The following PIGU variants were observed in gnomAD, a reference collection of about 807,000 sequenced individuals.
PIGU encodes GPI-anchor transamidase component PIGU.
Under a neutral mutation model 49.9 loss-of-function variants are expected in PIGU, and 24 were observed. The observed-to-expected ratio is 0.48, with a 90% CI of 0.35 to 0.68. PIGU has a LOEUF of 0.68. PIGU is among the 30% of genes least tolerant of loss of function. The pLI, the probability that PIGU is intolerant of heterozygous loss-of-function variation, is 0.01. For synonymous variants in PIGU, 220 were observed against 205.7 expected, an observed-to-expected ratio of 1.07 and a Z score of -0.59; for missense variants, 490 against 532.6, an observed-to-expected ratio of 0.92 and a Z score of 0.79.
chr20:34,641,019 A>G (rs553426606), intron 4 of PIGU, among the ~76,000 whole-genome samples: 1,672 of 152,036 alleles, frequency 0.011, 40 homozygotes, highest in African/African-American at 0.039. Context: ...TCAGCCTCCC[A>G]AGTAGCTGGG....
intron 6 of PIGU, among the ~76,000 whole-genome samples, chr20:34,618,774 A>C (rs2146743895): frequency 6.6e-6 from 1 of 152,234 alleles, no homozygotes; most frequent in South Asian, 2.1e-4. Context: ...GTGACAGAGT[A>C]AGACCCTGTT....
intron 11 of PIGU, among the ~76,000 whole-genome samples, chr20:34,570,984 T>C (rs534827844): frequency 1.4e-4 from 21 of 152,342 alleles, no homozygotes; most frequent in Non-Finnish European, 1.8e-4. Flanking sequence ...CTGTTTCCCA[T>C]GTCAACACAC....
At chr20:34,649,998 G>A (rs367947569) in intron 2 of PIGU, among the ~76,000 whole-genome samples, 44 of 151,228 alleles carry the variant, frequency 2.9e-4, no homozygotes, top group Middle Eastern at 3.4e-3. Flanking sequence ...ACAGGCGCCC[G>A]CCACCATGCC....
chr20:34,642,168 G>A (rs1448089370), intron 4 of PIGU, among the ~76,000 whole-genome samples: 17 of 152,168 alleles, frequency 1.1e-4, no homozygotes, highest in Non-Finnish European at 1.5e-5. Flanking sequence ...GCAATTAACT[G>A]AAACCTAGTT....
intron 7 of PIGU, among the ~76,000 whole-genome samples, chr20:34,600,644 G>A (rs1297873315): frequency 1.3e-5 from 2 of 151,942 alleles, no homozygotes; most frequent in African/African-American, 2.4e-5. Context: ...TAAAAATATT[G>A]TTTTGTCTTC....
intron 7 of PIGU, among the ~76,000 whole-genome samples, chr20:34,608,756 C>G (rs1467255216): frequency 6.6e-6 from 1 of 152,216 alleles, no homozygotes; most frequent in Non-Finnish European, 1.5e-5. Context: ...CTGGCACTTA[C>G]AGCTTTGCTA....
At chr20:34,665,901 T>G (rs1017171944) in intron 1 of PIGU, among the ~76,000 whole-genome samples, 1 of 152,018 alleles carries the variant, frequency 6.6e-6, no homozygotes, top group East Asian at 1.9e-4. Context: ...CTAATATATA[T>G]AAAAATGTTC....
rs1202942881 is a variant in PIGU at position 34,655,254 on chromosome 20, A to G, written c.195+1926T>C. Reference sequence around the variant, plus strand: ...GAGCCCAGGAGGTTGAGGCTATAGTAAGCCATGATCATTCCACCACATTCC... The same window carrying G: ...GAGCCCAGGAGGTTGAGGCTATAGTGAGCCATGATCATTCCACCACATTCC... On this transcript the variant is annotated intron_variant, in intron 2 of 11. Transcript: ENST00000217446. Among the ~76,000 whole-genome samples the G allele has an allele frequency of 1.7e-5, 2 of 120,236 alleles. 1 individual carries two copies. The highest frequency in any genetic ancestry group is 3.6e-5 in the Non-Finnish European group (2 of 56,254). 78.9% of individuals were successfully genotyped at this position (120,236 alleles called of 152,430 possible).
chr20:34,607,609 C>A (rs946945392), intron 7 of PIGU, among the ~76,000 whole-genome samples: 1 of 152,208 alleles, frequency 6.6e-6, no homozygotes, highest in South Asian at 2.1e-4. Flanking sequence ...CAACCTGATA[C>A]CTCCTGGATG....
chr20:34,660,002 G>C (rs1460227639), intron 1 of PIGU, among the ~76,000 whole-genome samples: 3 of 138,498 alleles, frequency 2.2e-5, no homozygotes, highest in African/African-American at 8.3e-5. Context: ...ATTGTCCTAT[G>C]ACCCTGCCAA....
intron 8 of PIGU, among the ~76,000 whole-genome samples, chr20:34,585,917 G>A (rs1983682356): frequency 6.6e-6 from 1 of 152,148 alleles, no homozygotes; most frequent in Admixed American, 6.5e-5. Flanking sequence ...TAACAAATGA[G>A]TTTTAAAACA....
chr20:34,594,807 T>C (rs1042225439), intron 7 of PIGU, among the ~76,000 whole-genome samples: 1 of 151,510 alleles, frequency 6.6e-6, no homozygotes, highest in African/African-American at 2.4e-5. Context: ...AAAATATACA[T>C]ATAGGCTGGG....
intron 11 of PIGU, among the ~76,000 whole-genome samples, chr20:34,563,294 G>A (rs1297930904): frequency 6.6e-6 from 1 of 152,300 alleles, no homozygotes; most frequent in South Asian, 2.1e-4. Context: ...TCGGCGAGGT[G>A]CGGTGGCTCA....
chr20:34,643,932 A>G, intron 4 of PIGU: 1 of 360,470 alleles, frequency 2.8e-6, no homozygotes, highest in Admixed American at 3.6e-5. Context: ...TGTGGATATT[A>G]ATAGTTATTA....
At chr20:34,626,008 C>A (rs1345584407) in intron 6 of PIGU, among the ~76,000 whole-genome samples, 5 of 149,162 alleles carry the variant, frequency 3.4e-5, no homozygotes, top group Non-Finnish European at 7.4e-5. Flanking sequence ...TTTAAAAAAA[C>A]ATTTATTTTC....
rs1358827371 is a variant in PIGU, at chr20:34,560,609, C to CTCCT, written c.*253_*256dup. The CTCCT allele has an allele frequency of 4.5e-6, 2 of 442,834 alleles. No individual in the cohort carries two copies. Among genetic ancestry groups the CTCCT allele is most frequent in the African/African-American group, 2.0e-5 (1 of 48,994 alleles). 27.4% of individuals were successfully genotyped at this position (442,834 alleles called of 1,614,324 possible). A position where few individuals can be genotyped will look rare whatever the true frequency, so the allele number is the denominator to read the frequency against. Reference sequence around the variant, plus strand: ...AACAAGCCCTGCTCACCTGCCTCTTCTCCTTCCTGTCTGGGAGGGGGCTCC... The same window carrying CTCCT: ...AACAAGCCCTGCTCACCTGCCTCTTCTCCTTCCTTCCTGTCTGGGAGGGGGCTCC... On this transcript the variant is annotated 3_prime_UTR_variant, in exon 12 of 12. Transcript: ENST00000217446.
intron 7 of PIGU, among the ~76,000 whole-genome samples, chr20:34,611,668 CA>C (rs149027105): frequency 5.8e-4 from 62 of 106,470 alleles, no homozygotes; most frequent in East Asian, 2.4e-3. Flanking sequence ...AAAAAAAAGA[CA>C]AAAAAAAAAA....
intron 2 of PIGU, among the ~76,000 whole-genome samples, chr20:34,647,393 C>T (rs1274809188): frequency 6.6e-6 from 1 of 152,068 alleles, no homozygotes; most frequent in Non-Finnish European, 1.5e-5. Context: ...TCCCAAGTAG[C>T]TGGGATTACA....
intron 1 of PIGU, 62 bp from the exon 2 acceptor site, chr20:34,657,306 G>C (rs1286879171): frequency 6.0e-5 from 76 of 1,258,094 alleles, no homozygotes; most frequent in Non-Finnish European, 5.3e-5. Flanking sequence ...CAAATTGTTA[G>C]ATACCCCCAC....
Sources: gnomAD v4.1 joint callset for allele counts (sites outside exome capture counted in the v4.1 genomes callset) on GRCh38, gnomAD v4.1.1 for gene constraint, MANE v1.5 for transcripts, NCBI Gene and HGNC (gene_info 2026-07-23, HGNC 2026-07-21) for gene names.